RASGRP3: variants seen among roughly 807,000 people sequenced by gnomAD.
RASGRP3 encodes RAS guanyl releasing protein 3, also known as ras guanyl-releasing protein 3.
A neutral mutation model predicts 82.7 loss-of-function variants in RASGRP3; 54 were observed. The ratio of observed to expected loss-of-function variants is 0.65; its 90% CI spans 0.52 to 0.82. The LOEUF (loss-of-function observed/expected upper bound fraction) is 0.82, where lower values mean the gene tolerates loss of function less well. Among genes scored for constraint, RASGRP3 ranks in the 40% least tolerant of loss-of-function variants. The probability of loss-of-function intolerance (pLI) is 0.00; values close to 1 mark genes in which losing one functional copy is unlikely to be tolerated. For synonymous variants in RASGRP3, 309 were observed against 300.5 expected (o/e 1.03, Z -0.29); for missense variants, 861 against 828.9 (o/e 1.04, Z -0.48).
At chr2:33,490,714 C>T (rs958883475) in intron 1 of RASGRP3, among the ~76,000 whole-genome samples, 4 of 152,220 alleles carry the variant, frequency 2.6e-5, no homozygotes, top group African/African-American at 9.7e-5. Context: ...TGAGCCATTG[C>T]CATGGCGCTA....
chr2:33,492,853 A>G (rs1668973341), intron 1 of RASGRP3, among the ~76,000 whole-genome samples: 1 of 152,178 alleles, frequency 6.6e-6, no homozygotes, highest in African/African-American at 2.4e-5. Context: ...TGGAGGCATC[A>G]GGATGGGGAG....
intron 2 of RASGRP3, among the ~76,000 whole-genome samples, chr2:33,460,111 T>C (rs896787266): frequency 1.3e-5 from 2 of 152,246 alleles, no homozygotes; most frequent in African/African-American, 4.8e-5. Context: ...AGTGCAACAC[T>C]GTTCATAGAA....
intron 12 of RASGRP3, 125 bp from the exon 13 acceptor site, chr2:33,543,387 T>C (rs1354965577): frequency 1.7e-6 from 1 of 602,770 alleles, no homozygotes; most frequent in Non-Finnish European, 2.9e-6. Context: ...TTGACTTAGT[T>C]ATCTTTCACT....
Position 33,533,731 on chromosome 2 carries a change from C to T in RASGRP3, c.1084-592C>T, listed in dbSNP as rs190512733. On this transcript the variant is annotated intron_variant, in intron 10 of 17. Coordinates refer to ENST00000403687, the MANE Select transcript of RASGRP3 (RefSeq NM_001139488.2). The stretch of plus-strand genomic sequence containing the variant: ...CTATGCTGCCTCCCTGATTTCTGAC[C>T]GGTTCCTGGAGCACTTAAAGTGGAG... The T allele has an allele frequency of 4.1e-4, 62 of 152,918 alleles. No individual in the cohort carries two copies. In the South Asian group the frequency reaches 5.8e-3, roughly 14 times the overall value. 9.5% of individuals were successfully genotyped at this position (152,918 alleles called of 1,614,324 possible). A position where few individuals can be genotyped will look rare whatever the true frequency, so the allele number is the denominator to read the frequency against.
At chr2:33,510,904 C>A (rs1670866556) in intron 1 of RASGRP3, among the ~76,000 whole-genome samples, 1 of 152,084 alleles carries the variant, frequency 6.6e-6, no homozygotes, top group Non-Finnish European at 1.5e-5. Context: ...ATGGAATTGG[C>A]TACCTTTTAT....
At chr2:33,557,731 G>C (rs1047161131) in intron 15 of RASGRP3, among the ~76,000 whole-genome samples, 2 of 150,458 alleles carry the variant, frequency 1.3e-5, no homozygotes, top group East Asian at 1.9e-4. Context: ...AAAAAATCCA[G>C]ACAAGTGCTG....
chr2:33,520,697 C>G lies in RASGRP3; in HGVS notation c.368+13C>G. On this transcript the variant is annotated intron_variant, in intron 6 of 17. Transcript: ENST00000403687. ...ACATATCCAGCATGTAAGAGTGGCA[C>G]CGACGTCTTTCACACCCAATAAGTC... 1 of 1,613,468 alleles carries G rather than the reference C, an allele frequency of 6.2e-7. No individual in the cohort carries two copies.
chr2:33,502,823 A>C (rs1670001136), intron 1 of RASGRP3, among the ~76,000 whole-genome samples: 1 of 151,122 alleles, frequency 6.6e-6, no homozygotes, highest in Admixed American at 6.6e-5. Flanking sequence ...CCTTCCTCTA[A>C]CTCTTTAACC....
chr2:33,458,062 A>G (rs1326759841), intron 2 of RASGRP3: 1 of 152,210 alleles, frequency 6.6e-6, no homozygotes, highest in African/African-American at 2.4e-5. Flanking sequence ...GCTGTCTATC[A>G]CAGGCAGCTA....
chr2:33,487,899 G>C (rs1400135696), intron 1 of RASGRP3, among the ~76,000 whole-genome samples: 1 of 152,174 alleles, frequency 6.6e-6, no homozygotes. Context: ...CGGGAATTCT[G>C]AGACCAGCCT....
At chr2:33,530,669 T>G (rs2151045755) in intron 10 of RASGRP3, among the ~76,000 whole-genome samples, 1 of 152,266 alleles carries the variant, frequency 6.6e-6, no homozygotes, top group African/African-American at 2.4e-5. Context: ...AAAAATTAAT[T>G]AATACTGCTC....
chr2:33,548,381 A>AAAAGAAG (rs764069871), intron 13 of RASGRP3, among the ~76,000 whole-genome samples: 2 of 127,960 alleles, frequency 1.6e-5, no homozygotes, highest in African/African-American at 6.2e-5. Context: ...AAAAAAAAAA[A>AAAAGAAG]AAGAAGGTAG....
At chr2:33,531,743 T>C (rs1254208284) in intron 10 of RASGRP3, 1 of 152,224 alleles carries the variant, frequency 6.6e-6, no homozygotes, top group East Asian at 1.9e-4. Flanking sequence ...GAGCCAGTTA[T>C]CCATTTGACA....
At chr2:33,534,530 TTTC>T in intron 11 of RASGRP3, 130 bp downstream of exon 11, 1 of 698,134 alleles carries the variant, frequency 1.4e-6, no homozygotes, top group Non-Finnish European at 2.4e-6. Context: ...ATTCTTTCTT[TTTC>T]TTTTTTCTTT....
intron 17 of RASGRP3, among the ~76,000 whole-genome samples, chr2:33,562,285 T>C (rs1033489630): frequency 6.6e-5 from 10 of 150,930 alleles, no homozygotes; most frequent in Non-Finnish European, 1.0e-4. Flanking sequence ...TTTTTTTTTT[T>C]CTGAGACAAG....
At chr2:33,473,178 T>C (rs371473888), upstream of RASGRP3, among the ~76,000 whole-genome samples, 149 of 152,276 alleles carry the variant, frequency 9.8e-4, no homozygotes, top group South Asian at 3.7e-3. Context: ...CTGGCTAACA[T>C]GGTGAAACCC....
upstream of RASGRP3, among the ~76,000 whole-genome samples, chr2:33,473,392 A>AAG (rs1477316554): frequency 6.6e-6 from 1 of 151,892 alleles, no homozygotes; most frequent in African/African-American, 2.4e-5. Context: ...CAAAAAAAAA[A>AAG]GCAAAAAATC....
At chr2:33,483,044 A>T (rs1431796061) in intron 1 of RASGRP3, 1 of 152,214 alleles carries the variant, frequency 6.6e-6, no homozygotes, top group Admixed American at 6.5e-5. Flanking sequence ...ATTAAAAAAA[A>T]AAAAGAATAT....
At chr2:33,548,618 C>T (rs1008076824) in intron 13 of RASGRP3, among the ~76,000 whole-genome samples, 11 of 151,998 alleles carry the variant, frequency 7.2e-5, no homozygotes, top group African/African-American at 2.7e-4. Flanking sequence ...GAATTCTGAA[C>T]TGGAAAGGAA....
Sources: allele counts gnomAD v4.1 joint callset (sites outside exome capture counted in the v4.1 genomes callset), GRCh38; gene constraint gnomAD v4.1.1; transcripts MANE v1.5; gene names NCBI Gene and HGNC (gene_info 2026-07-23, HGNC 2026-07-21).